The following DLGAP2 variants were observed in gnomAD, a reference collection of about 807,000 sequenced individuals.
DLGAP2 encodes DLG associated protein 2, also known as disks large-associated protein 2.
Under a neutral mutation model 100.3 loss-of-function variants are expected in DLGAP2, and 26 were observed. The ratio of observed to expected loss-of-function variants is 0.26; its 90% confidence interval spans 0.19 to 0.36. DLGAP2 has a LOEUF of 0.36. Among genes scored for constraint, DLGAP2 ranks in the 10% least tolerant of loss-of-function variants. DLGAP2 has a pLI of 1.00. For synonymous variants in DLGAP2, 886 were observed against 630.1 expected (o/e 1.41, Z -6.08); for missense variants, 1,858 against 1,453.2 (o/e 1.28, Z -4.53).
At chr8:1,196,916 A>G (rs981896544) in intron 2 of DLGAP2, among the ~76,000 whole-genome samples, 3 of 152,172 alleles carry the variant, frequency 2.0e-5, no homozygotes, top group Non-Finnish European at 2.9e-5. Flanking sequence ...CGCTGTGATT[A>G]TGGGGGCTGA....
chr8:1,678,901 A>G, intron 12 of DLGAP2: 1 of 383,320 alleles, frequency 2.6e-6, no homozygotes. Flanking sequence ...TCTTGGGAGC[A>G]TAGTTGATCT....
chr8:1,162,614 C>G (rs1479378147), intron 2 of DLGAP2, among the ~76,000 whole-genome samples: 1 of 152,212 alleles, frequency 6.6e-6, no homozygotes, highest in African/African-American at 2.4e-5. Context: ...GCGTGCATAG[C>G]TTGAAGTTCC....
intron 2 of DLGAP2, among the ~76,000 whole-genome samples, chr8:1,023,643 C>G (rs1456399296): frequency 1.3e-5 from 2 of 150,994 alleles, no homozygotes; most frequent in Non-Finnish European, 2.9e-5. Flanking sequence ...TCATTGTTCC[C>G]CACGTGTGGC....
rs116378643 is a variant in DLGAP2 at position 989,116 on chromosome 8, A to G, written c.73+81150A>G. ...GCCTCCATTGTGACGACCGCAGTGC[A>G]GTCCCAGCCTTCAGCCCTGCGCGGC... is the stretch of plus-strand genomic sequence containing the variant. On this transcript the variant is annotated intron_variant, in intron 2 of 14. Transcript: ENST00000637795. Among the ~76,000 whole-genome samples, 235 of 152,298 alleles carry G rather than the reference A, an allele frequency of 1.5e-3. 1 individual carries two copies. The highest frequency in any genetic ancestry group is 4.7e-3 in the African/African-American group (194 of 41,554).
chr8:880,208 G>T (rs74598117), intron 1 of DLGAP2, among the ~76,000 whole-genome samples: 3,085 of 152,176 alleles, frequency 0.02, 114 homozygotes, highest in African/African-American at 0.071. Context: ...CTTCTCTTAG[G>T]TTTGTTCCTC....
intron 2 of DLGAP2, among the ~76,000 whole-genome samples, chr8:1,216,489 T>C (rs187204966): frequency 3.3e-5 from 5 of 151,866 alleles, no homozygotes; most frequent in African/African-American, 4.8e-5. Flanking sequence ...TGTGCCACCA[T>C]GCCTGGCTAA....
intron 3 of DLGAP2, among the ~76,000 whole-genome samples, chr8:1,391,215 G>C (rs776416475): frequency 6.6e-6 from 1 of 152,200 alleles, no homozygotes; most frequent in Non-Finnish European, 1.5e-5. Context: ...CATTGTGCAG[G>C]ATGTTGAATC....
intron 3 of DLGAP2, among the ~76,000 whole-genome samples, chr8:1,327,725 T>A (rs1801054538): frequency 6.6e-6 from 1 of 151,902 alleles, no homozygotes; most frequent in African/African-American, 2.4e-5. Context: ...GCGCCTGTAG[T>A]CCCAGCTACT....
intron 2 of DLGAP2, among the ~76,000 whole-genome samples, chr8:1,235,082 CTCTCACATGGCGTCGTGTCTAGT>C (rs1563269913): frequency 6.6e-6 from 1 of 151,064 alleles, no homozygotes; most frequent in Non-Finnish European, 1.5e-5. Flanking sequence ...GTCTAGTTCC[CTCTCACATGGCGTCGTGTCTAGT>C]TCTCTCACAC....
At position 1,040,960 on chromosome 8, in the gene DLGAP2, G is replaced by A. The variant is rs192422463; in HGVS notation, c.73+132994G>A. On this transcript the variant is annotated intron_variant, in intron 2 of 14. Transcript: ENST00000637795. ...GGTGACTTACTTTTAGTCTGTAAAG[G>A]TGCAGGGTGTTTCCAGAAACAACAT... is the stretch of plus-strand genomic sequence containing the variant. 4.1e-4 allele frequency among the ~76,000 whole-genome samples: 62 copies of A among 152,198 alleles called. 2 individuals are homozygous for A. Among genetic ancestry groups the A allele is most frequent in the Middle Eastern group, 3.4e-3 (1 of 294 alleles).
chr8:1,525,715 C>T (rs528264262), intron 4 of DLGAP2, among the ~76,000 whole-genome samples: 1 of 152,252 alleles, frequency 6.6e-6, no homozygotes, highest in Non-Finnish European at 1.5e-5. Context: ...CACTCCCAGC[C>T]TCTTAGCAAA....
chr8:1,261,176 G>C (rs935782102), intron 3 of DLGAP2, among the ~76,000 whole-genome samples: 2 of 151,980 alleles, frequency 1.3e-5, no homozygotes, highest in South Asian at 4.2e-4. Flanking sequence ...AAACCAGACA[G>C]ACTGGGAGGG....
At chr8:1,486,382 C>T (rs1799237505) in intron 3 of DLGAP2, among the ~76,000 whole-genome samples, 1 of 152,156 alleles carries the variant, frequency 6.6e-6, no homozygotes, top group African/African-American at 2.4e-5. Flanking sequence ...CTCCTGGAGG[C>T]TGTTAGGGCT....
intron 2 of DLGAP2, among the ~76,000 whole-genome samples, chr8:1,170,824 C>G (rs1265816483): frequency 1.4e-5 from 2 of 144,552 alleles, no homozygotes; most frequent in African/African-American, 5.0e-5. Context: ...TGGATCCTTT[C>G]AAAAAACCAG....
chr8:882,123 G>A (rs1797812080), intron 1 of DLGAP2, among the ~76,000 whole-genome samples: 1 of 152,224 alleles, frequency 6.6e-6, no homozygotes, highest in African/African-American at 2.4e-5. Context: ...CTCCTTAATA[G>A]AGAACTTAAG....
chr8:1,546,123 G>T (rs1584911989), intron 4 of DLGAP2, among the ~76,000 whole-genome samples: 1 of 152,106 alleles, frequency 6.6e-6, no homozygotes, highest in South Asian at 2.1e-4. Flanking sequence ...ATATATTAAA[G>T]TGCTCTCATT....
At chr8:745,910 T>C (rs571836311) in intron 1 of DLGAP2, among the ~76,000 whole-genome samples, 4 of 152,324 alleles carry the variant, frequency 2.6e-5, no homozygotes, top group African/African-American at 7.2e-5. Context: ...AGAGGAACCC[T>C]AGAAGCCTGA....
At chr8:935,670 C>T (rs552631181) in intron 2 of DLGAP2, among the ~76,000 whole-genome samples, 2 of 152,216 alleles carry the variant, frequency 1.3e-5, no homozygotes, top group African/African-American at 2.4e-5. Context: ...TTCTGTCATC[C>T]GTCGTGTCTA....
intron 3 of DLGAP2, among the ~76,000 whole-genome samples, chr8:1,319,775 T>C (rs1356032340): frequency 6.6e-6 from 1 of 152,084 alleles, no homozygotes; most frequent in Non-Finnish European, 1.5e-5. Flanking sequence ...CAGGGAGATG[T>C]TGTCTGTAAG....
Sources: allele counts gnomAD v4.1 joint callset (sites outside exome capture counted in the v4.1 genomes callset), GRCh38; gene constraint gnomAD v4.1.1; transcripts MANE v1.5; gene names NCBI Gene and HGNC (gene_info 2026-07-23, HGNC 2026-07-21).